ADGRA1: variants seen among roughly 807,000 people sequenced by gnomAD.
The protein encoded by ADGRA1 is G-protein coupled receptor 123.
A neutral mutation model predicts 21.3 loss-of-function variants in ADGRA1; 12 were observed. The ratio of observed to expected loss-of-function variants is 0.56; its 90% CI spans 0.36 to 0.91. ADGRA1 has a LOEUF of 0.91. ADGRA1 is among the 40% of genes least tolerant of loss of function. The probability of loss-of-function intolerance (pLI) is 0.01; values close to 1 mark genes in which losing one functional copy is unlikely to be tolerated. For synonymous variants in ADGRA1, 385 were observed against 368.8 expected (o/e 1.04, Z -0.50); for missense variants, 790 against 805.6 (o/e 0.98, Z 0.23).
chr10:133,128,839 G>T lies in ADGRA1; in HGVS notation c.1011G>T (p.Ala337=). Residue 337 remains alanine, a synonymous_variant, in exon 7 of 7, where the codon GCG becomes GCT. Coordinates refer to ENST00000392607, the MANE Select transcript of ADGRA1 (RefSeq NM_001083909.3). The part of the protein sequence containing the change: ...AHPALDANGA[A]LGRAACLHSP... ...CCGCACTTGACGCCAACGGGGCCGC[G>T]CTGGGCCGCGCCGCCTGCCTGCACT... 6.3e-7 allele frequency: 1 copy of T among 1,592,196 alleles called. No homozygotes were observed.
intron 5 of ADGRA1, among the ~76,000 whole-genome samples, chr10:133,123,808 C>G (rs1852322673): frequency 6.6e-6 from 1 of 152,044 alleles, no homozygotes; most frequent in Non-Finnish European, 1.5e-5. Flanking sequence ...CCTGCGTCCT[C>G]TCTCCACTGG....
chr10:133,092,910 AAGG>A (rs981054813), intron 2 of ADGRA1: 2 of 1,536,800 alleles, frequency 1.3e-6, no homozygotes, highest in Non-Finnish European at 1.7e-6. Flanking sequence ...GAAGAAGGAG[AAGG>A]AGGACTGGAA....
At chr10:133,117,298 G>A (rs549301610) in intron 5 of ADGRA1, among the ~76,000 whole-genome samples, 6 of 152,250 alleles carry the variant, frequency 3.9e-5, no homozygotes, top group East Asian at 1.9e-4. Flanking sequence ...CCCGAGACCC[G>A]AGACCTGTGC....
At chr10:133,119,154 CAGGTG>C in intron 5 of ADGRA1, among the ~76,000 whole-genome samples, 1 of 152,256 alleles carries the variant, frequency 6.6e-6, no homozygotes, top group South Asian at 2.1e-4. Flanking sequence ...AGTCACAGCA[CAGGTG>C]AGGGCTTCAG....
At chr10:133,101,608 A>G (rs1030947009) in intron 4 of ADGRA1, among the ~76,000 whole-genome samples, 4 of 152,154 alleles carry the variant, frequency 2.6e-5, no homozygotes, top group Non-Finnish European at 5.9e-5. Flanking sequence ...TGACAGCCCC[A>G]CGGCTGCTTC....
intron 5 of ADGRA1, among the ~76,000 whole-genome samples, chr10:133,119,023 A>G (rs910773907): frequency 1.4e-5 from 2 of 143,608 alleles, no homozygotes; most frequent in Non-Finnish European, 3.0e-5. Flanking sequence ...TGAGGCACTT[A>G]CATGCACTCA....
Position 133,097,535 on chromosome 10 carries a change from C to T in ADGRA1, c.131+434C>T, listed in dbSNP as rs949244670. On this transcript the variant is annotated intron_variant, in intron 3 of 6. Coordinates refer to ENST00000392607, the MANE Select transcript of ADGRA1 (RefSeq NM_001083909.3). ...GGGCATGCCCACAGCCAGTCATGGG[C>T]GGGGGTTCGGCTATGTCTGAGGCCA... is the stretch of plus-strand genomic sequence containing the variant. Among the ~76,000 whole-genome samples, 17 of 152,220 alleles carry T rather than the reference C, an allele frequency of 1.1e-4. 2 individuals carry two copies. Among genetic ancestry groups the T allele is most frequent in the Admixed American group, 1.0e-3 (16 of 15,296 alleles).
Position 133,112,750 on chromosome 10 carries a change from GCGTCGGTTATTTGGGGTCTGTAAGCTA to G in ADGRA1, c.401+9909_401+9935del, listed in dbSNP as rs1213626155. Among the ~76,000 whole-genome samples, 610 of 145,674 alleles carry G rather than the reference GCGTCGGTTATTTGGGGTCTGTAAGCTA, an allele frequency of 4.2e-3. 2 individuals are homozygous for G. The highest frequency in any genetic ancestry group is 5.0e-3 in the South Asian group (22 of 4,396). ...GTCGGTTATTTGAGGTCTGCGGGCC[GCGTCGGTTATTTGGGGTCTGTAAGCTA>G]TGTCGGTTATTTGGGGTCTGCGGGC... On this transcript the variant is annotated intron_variant, in intron 5 of 6. Coordinates refer to ENST00000392607, the MANE Select transcript of ADGRA1 (RefSeq NM_001083909.3).
At chr10:133,121,694 G>C (rs913198279) in intron 5 of ADGRA1, among the ~76,000 whole-genome samples, 2 of 149,994 alleles carry the variant, frequency 1.3e-5, no homozygotes, top group Non-Finnish European at 3.0e-5. Flanking sequence ...GTGAGTGCCT[G>C]TGCATGTGGA....
chr10:133,103,040 G>T (rs891867561), intron 5 of ADGRA1, among the ~76,000 whole-genome samples, 198 bp downstream of exon 5: 2 of 151,850 alleles, frequency 1.3e-5, no homozygotes, highest in Non-Finnish European at 2.9e-5. Context: ...TGGAGGGGAG[G>T]GGCGCCGGAG....
intron 5 of ADGRA1, among the ~76,000 whole-genome samples, chr10:133,117,365 C>A (rs1024815807): frequency 6.6e-6 from 1 of 152,200 alleles, no homozygotes; most frequent in Non-Finnish European, 1.5e-5. Flanking sequence ...GGGTGCCCAG[C>A]AAACACCCAC....
intron 5 of ADGRA1, among the ~76,000 whole-genome samples, chr10:133,114,427 C>T (rs1303846107): frequency 6.6e-6 from 1 of 152,206 alleles, no homozygotes; most frequent in Non-Finnish European, 1.5e-5. Flanking sequence ...GAAGCGTCCT[C>T]AGCTCATGTC....
chr10:133,094,706 G>T (rs946326473), intron 2 of ADGRA1, among the ~76,000 whole-genome samples: 7 of 152,152 alleles, frequency 4.6e-5, no homozygotes, highest in African/African-American at 1.7e-4. Flanking sequence ...TTGCAACAAT[G>T]GCTCGTCGGA....
chr10:133,095,929 G>A (rs1234732583), intron 2 of ADGRA1: 9 of 1,105,070 alleles, frequency 8.1e-6, no homozygotes, highest in Non-Finnish European at 1.1e-5. Context: ...GGTCAGAGTG[G>A]CTGGAGCCTG....
At chr10:133,102,388 G>T in intron 4 of ADGRA1, 1 of 535,948 alleles carries the variant, frequency 1.9e-6, no homozygotes, top group Admixed American at 2.2e-5. Flanking sequence ...CCGTGCCTGG[G>T]CCACAGGGAC....
chr10:133,126,605 G>A (rs1372709994), intron 5 of ADGRA1, among the ~76,000 whole-genome samples: 1 of 152,184 alleles, frequency 6.6e-6, no homozygotes, highest in Non-Finnish European at 1.5e-5. Flanking sequence ...GCTGCATCCC[G>A]CTTGGATCCC....
intron 4 of ADGRA1, 28 bp downstream of exon 4, chr10:133,098,791 C>T: frequency 6.2e-7 from 1 of 1,604,084 alleles, no homozygotes; most frequent in Non-Finnish European, 8.5e-7. Flanking sequence ...CTCGTTGGCT[C>T]CTCCCAGAGG....
intron 2 of ADGRA1, 122 bp from the exon 3 acceptor site, chr10:133,096,852 C>T (rs565965229): frequency 1.6e-6 from 2 of 1,238,400 alleles, no homozygotes; most frequent in Admixed American, 2.2e-5. Flanking sequence ...CCCTGAGACC[C>T]CACACGAAAA....
chr10:133,106,141 G>A (rs1591175302), intron 5 of ADGRA1, among the ~76,000 whole-genome samples: 1 of 152,182 alleles, frequency 6.6e-6, no homozygotes, highest in Non-Finnish European at 1.5e-5. Flanking sequence ...GCCTGATGGG[G>A]ATCCCCGCCC....
Sources: gnomAD v4.1 joint callset for allele counts (sites outside exome capture counted in the v4.1 genomes callset) on GRCh38, gnomAD v4.1.1 for gene constraint, MANE v1.5 for transcripts, NCBI Gene and HGNC (gene_info 2026-07-23, HGNC 2026-07-21) for gene names.